The following KAZN variants were observed in gnomAD, a reference collection of about 807,000 sequenced individuals.
The protein encoded by KAZN is kazrin.
In KAZN, 40 loss-of-function variants were observed where a neutral mutation model predicts 87.4. The observed-to-expected ratio is 0.46, with a 90% CI of 0.36 to 0.60. The LOEUF is 0.60. Among genes scored for constraint, KAZN ranks in the 20% least tolerant of loss-of-function variants. The pLI, the probability that KAZN is intolerant of heterozygous loss-of-function variation, is 0.00. For missense variants in KAZN, 898 were observed against 1,073.9 expected (o/e 0.84, Z 2.29); for synonymous variants, 466 against 458.3 (o/e 1.02, Z -0.22).
chr1:14,629,345 T>G (rs1044444702), intron 1 of KAZN, among the ~76,000 whole-genome samples: 29 of 152,350 alleles, frequency 1.9e-4, no homozygotes, highest in African/African-American at 7.0e-4. Flanking sequence ...CGTTGCTGTA[T>G]TCCAGCAGCA....
chr1:14,243,879 G>T (rs1464393731), intron 2 of KAZN, among the ~76,000 whole-genome samples: 1 of 152,106 alleles, frequency 6.6e-6, no homozygotes, highest in Non-Finnish European at 1.5e-5. Context: ...CCTAATGTCC[G>T]CATCTTACAG....
intron 2 of KAZN, among the ~76,000 whole-genome samples, chr1:14,518,645 G>T (rs1671421522): frequency 6.6e-6 from 1 of 152,172 alleles, no homozygotes; most frequent in Admixed American, 6.5e-5. Context: ...CTGTGTGACA[G>T]TGCTCGTAGG....
intron 1 of KAZN, among the ~76,000 whole-genome samples, chr1:13,963,594 T>G (rs1397495851): frequency 6.6e-6 from 1 of 152,204 alleles, no homozygotes. Flanking sequence ...TCCAGGCAAT[T>G]ATAGAATTTT....
At chr1:14,620,421 T>C (rs1678601029) in intron 1 of KAZN, among the ~76,000 whole-genome samples, 1 of 152,198 alleles carries the variant, frequency 6.6e-6, no homozygotes, top group Non-Finnish European at 1.5e-5. Context: ...ATTATCACCG[T>C]TGTTATTATT....
rs754940973 is a variant in KAZN, at chr1:15,099,423, G to A, written c.1548-2120G>A. The stretch of plus-strand genomic sequence containing the variant: ...TAGAGCTTTGAAGGAAAGCACTAGG[G>A]ACAGTAAGCAGACTTGGGGGCAACT... On this transcript the variant is annotated intron_variant, in intron 10 of 14. Transcript: ENST00000376030. This position sits in a 1 kb window ranked among gnomAD's most constrained non-coding sequence, Gnocchi z 5.4. Among the ~76,000 whole-genome samples the A allele has an allele frequency of 1.2e-3, 181 of 152,324 alleles. 1 individual carries two copies. The highest frequency in any genetic ancestry group is 2.0e-3 in the Non-Finnish European group (136 of 68,028).
chr1:13,957,597 G>T (rs2101014544), intron 1 of KAZN, among the ~76,000 whole-genome samples: 1 of 152,252 alleles, frequency 6.6e-6, no homozygotes, highest in South Asian at 2.1e-4. Context: ...CATCTGGTGA[G>T]GGCCTCAGGC....
intron 1 of KAZN, among the ~76,000 whole-genome samples, chr1:14,009,188 AC>A: frequency 6.6e-6 from 1 of 152,302 alleles, no homozygotes; most frequent in Middle Eastern, 3.4e-3. Context: ...TGTATAGATC[AC>A]CTTTTACTCA....
chr1:14,861,532 T>C (rs1014134691), intron 1 of KAZN, among the ~76,000 whole-genome samples: 3 of 152,222 alleles, frequency 2.0e-5, no homozygotes, highest in African/African-American at 7.2e-5. Context: ...ACTTCATTCA[T>C]TGAGTGCTGA....
At position 14,630,377 on chromosome 1, in the gene KAZN, C is replaced by T. The variant is rs532976245; in HGVS notation, c.226+31154C>T. 6.6e-5 allele frequency among the ~76,000 whole-genome samples: 10 copies of T among 152,186 alleles called. No homozygotes were observed. In the East Asian group the frequency reaches 1.5e-3, roughly 24 times the overall value. On this transcript the variant is annotated intron_variant, in intron 1 of 14. Coordinates refer to ENST00000376030, the MANE Select transcript of KAZN (RefSeq NM_201628.3). ...GGGGCCTTTCAGCAAATTCCTTAACCGTTGTCTGTATACTCAACTATGAAG... is the reference window on the plus strand; with the variant it reads ...GGGGCCTTTCAGCAAATTCCTTAACTGTTGTCTGTATACTCAACTATGAAG...
At chr1:14,633,630 A>G (rs1472588713) in intron 1 of KAZN, among the ~76,000 whole-genome samples, 4 of 152,098 alleles carry the variant, frequency 2.6e-5, no homozygotes, top group African/African-American at 9.7e-5. Context: ...GTTTGTGGTG[A>G]TTTGTTGCAG....
chr1:14,829,917 T>C (rs1174179489), intron 1 of KAZN, among the ~76,000 whole-genome samples: 1 of 152,158 alleles, frequency 6.6e-6, no homozygotes, highest in Non-Finnish European at 1.5e-5. Flanking sequence ...GCTTTGCTAG[T>C]GGGAAGCAGG....
At position 15,034,768 on chromosome 1, in the gene KAZN, G is replaced by A. The variant is rs985260626; in HGVS notation, c.438G>A (p.Lys146=). ...EALQAMKADR[K]RLKGEKTDLV... is the part of the protein sequence containing the mutation. The stretch of plus-strand genomic sequence containing the variant: ...CCCCAGCCATGAAAGCTGATCGGAA[G>A]CGCTTAAAGGGCGAGAAGACAGACC... Residue 146 remains lysine (K), a synonymous_variant, in exon 3 of 15, where the codon AAG becomes AAA. Transcript: ENST00000376030. The A allele has an allele frequency of 1.8e-5, 29 of 1,614,080 alleles. No homozygotes were observed. The highest frequency in any genetic ancestry group is 2.5e-5 in the Non-Finnish European group (29 of 1,180,028).
chr1:14,147,027 C>G (rs1645368421), intron 1 of KAZN, among the ~76,000 whole-genome samples: 2 of 152,036 alleles, frequency 1.3e-5, no homozygotes, highest in Admixed American at 6.5e-5. Flanking sequence ...TTATGATGAC[C>G]CATTTCCATT....
intron 1 of KAZN, among the ~76,000 whole-genome samples, chr1:13,909,586 G>T (rs1639575122): frequency 6.6e-6 from 1 of 152,148 alleles, no homozygotes; most frequent in African/African-American, 2.4e-5. Flanking sequence ...TTTCTTCAGA[G>T]AATTGCAAAT....
At chr1:14,379,164 G>T (rs1263457853) in intron 2 of KAZN, among the ~76,000 whole-genome samples, 5 of 151,062 alleles carry the variant, frequency 3.3e-5, no homozygotes, top group Admixed American at 6.6e-5. Context: ...GGCCTGAAAG[G>T]AAGGATGCAG....
chr1:14,813,108 C>T (rs539257444), intron 1 of KAZN, among the ~76,000 whole-genome samples: 7 of 152,072 alleles, frequency 4.6e-5, no homozygotes, highest in Non-Finnish European at 1.0e-4. Flanking sequence ...CCAGCTGCTC[C>T]CTCTGAAAAA....
At chr1:14,181,684 C>T in intron 2 of KAZN, among the ~76,000 whole-genome samples, 1 of 152,140 alleles carries the variant, frequency 6.6e-6, no homozygotes, top group East Asian at 1.9e-4. Context: ...GCCCATTCAG[C>T]TTCTCCTCTC....
chr1:14,471,482 CTGAT>C (rs1360866030), intron 2 of KAZN, among the ~76,000 whole-genome samples: 8 of 152,108 alleles, frequency 5.3e-5, no homozygotes, highest in African/African-American at 1.9e-4. Flanking sequence ...GGCTTTTGCT[CTGAT>C]TGAGCTATTG....
intron 2 of KAZN, among the ~76,000 whole-genome samples, chr1:14,259,528 C>CA (rs1402720109): frequency 6.6e-6 from 1 of 152,170 alleles, no homozygotes; most frequent in African/African-American, 2.4e-5. Context: ...CCTCACCCCC[C>CA]AAGTGGCCTG....
Sources: allele counts gnomAD v4.1 joint callset (sites outside exome capture counted in the v4.1 genomes callset), GRCh38; gene constraint gnomAD v4.1.1; non-coding constraint Gnocchi (gnomAD v3.1); transcripts MANE v1.5; gene names NCBI Gene and HGNC (gene_info 2026-07-23, HGNC 2026-07-21).